LRBA: variants seen among roughly 807,000 people sequenced by gnomAD.
The protein encoded by LRBA is lipopolysaccharide-responsive and beige-like anchor protein.
A neutral mutation model predicts 330.0 loss-of-function variants in LRBA; 176 were observed. The ratio of observed to expected loss-of-function variants is 0.53; its 90% CI spans 0.47 to 0.60. The LOEUF is 0.60. Among genes scored for constraint, LRBA ranks in the 20% least tolerant of loss-of-function variants. LRBA has a pLI of 0.00. For synonymous variants in LRBA, 1,230 were observed against 1,193.0 expected, an observed-to-expected ratio of 1.03 and a Z score of -0.64; for missense variants, 3,259 against 3,444.8, an observed-to-expected ratio of 0.95 and a Z score of 1.35.
At chr4:150,420,390 T>C (rs1016516523) in intron 46 of LRBA, among the ~76,000 whole-genome samples, 7 of 38,098 alleles carry the variant, frequency 1.8e-4, no homozygotes, top group African/African-American at 7.5e-4. Context: ...CATTATAGTA[T>C]ATATAAAGTA....
chr4:150,382,518 G>A (rs1334166654), intron 47 of LRBA, among the ~76,000 whole-genome samples: 2 of 151,988 alleles, frequency 1.3e-5, no homozygotes, highest in Non-Finnish European at 2.9e-5. Context: ...AGCTACTCAG[G>A]AGGCCGAGGC....
chr4:150,827,537 TATG>T (rs1466346585), intron 30 of LRBA, among the ~76,000 whole-genome samples: 5 of 152,234 alleles, frequency 3.3e-5, no homozygotes, highest in African/African-American at 1.2e-4. Context: ...TGAAGATCTT[TATG>T]ATGATTCGCT....
chr4:150,452,912 T>C (rs1457222984), intron 44 of LRBA, among the ~76,000 whole-genome samples: 2 of 152,164 alleles, frequency 1.3e-5, no homozygotes, highest in Non-Finnish European at 2.9e-5. Context: ...TGTATTTCTA[T>C]ATACTGGCAA....
rs1243180982 is a variant in LRBA at position 150,396,047 on chromosome 4, G to A, written c.7194+19391C>T. Among the ~76,000 whole-genome samples, 3 of 152,154 alleles carry A rather than the reference G, an allele frequency of 2.0e-5. No individual in the cohort carries two copies. The East Asian group carries it at 5.8e-4, about 29-fold the overall frequency. On this transcript the variant is annotated intron_variant, in intron 47 of 56. Coordinates refer to ENST00000651943, the MANE Select transcript of LRBA (RefSeq NM_001364905.1). ...ATAGCTGGTAAGACATTATTTCTGA[G>A]AATGTCTGTGAGGGTGTTTCCAGAA...
At chr4:150,717,675 G>GTAATAATAATAATAATAATAATAA (rs10522737) in intron 36 of LRBA, among the ~76,000 whole-genome samples, 3,828 of 139,714 alleles carry the variant, frequency 0.027, 79 homozygotes, top group Non-Finnish European at 0.032. Context: ...AACAATAATA[G>GTAATAATAATAATAATAATAATAA]TAATAATAAT....
intron 40 of LRBA, among the ~76,000 whole-genome samples, chr4:150,526,998 T>G (rs1472564918): frequency 6.6e-6 from 1 of 151,068 alleles, no homozygotes; most frequent in African/African-American, 2.4e-5. Flanking sequence ...ATCTCTCTCT[T>G]CTTCTTTTCT....
chr4:150,523,021 C>T (rs1048782585), intron 40 of LRBA, among the ~76,000 whole-genome samples: 3 of 152,176 alleles, frequency 2.0e-5, no homozygotes, highest in South Asian at 2.1e-4. Context: ...TTTGATTTCA[C>T]AGGTTCACAA....
intron 30 of LRBA, among the ~76,000 whole-genome samples, 159 bp downstream of exon 30, chr4:150,828,021 A>G (rs562429588): frequency 6.6e-6 from 1 of 152,332 alleles, no homozygotes; most frequent in East Asian, 1.9e-4. Context: ...TGTTATCAGT[A>G]AAGTTTCTGA....
intron 11 of LRBA, 43 bp from the exon 12 acceptor site, chr4:150,906,448 A>AT (rs774224827): frequency 5.2e-5 from 58 of 1,112,560 alleles, no homozygotes; most frequent in South Asian, 7.8e-5. Flanking sequence ...AACATATTCT[A>AT]TTTTTTTTAA....
intron 34 of LRBA, among the ~76,000 whole-genome samples, chr4:150,782,942 C>A (rs1378695679): frequency 6.6e-6 from 1 of 151,962 alleles, no homozygotes; most frequent in Admixed American, 6.6e-5. Flanking sequence ...TTAAACAAAT[C>A]AAGTCACCTT....
In LRBA at chr4:150,590,704, C is replaced by T; in HGVS notation, c.6193+9G>A. 1 of 1,612,356 alleles carries T rather than the reference C, an allele frequency of 6.2e-7. No homozygotes were observed. Among genetic ancestry groups the T allele is most frequent in the Non-Finnish European group, 8.5e-7 (1 of 1,179,290 alleles). ...GTAGCTGAAATATCTGCACAACCACCAAATTTACCGGCAAGATTCTCTAAA... is the reference window on the plus strand; with the variant it reads ...GTAGCTGAAATATCTGCACAACCACTAAATTTACCGGCAAGATTCTCTAAA... On this transcript the variant is annotated intron_variant, in intron 39 of 56. Transcript: ENST00000651943.
chr4:150,777,248 T>C (rs1737508423), intron 34 of LRBA, among the ~76,000 whole-genome samples: 1 of 152,132 alleles, frequency 6.6e-6, no homozygotes, highest in Non-Finnish European at 1.5e-5. Context: ...TATGAGCCAC[T>C]GCACCGGATC....
intron 37 of LRBA, among the ~76,000 whole-genome samples, chr4:150,649,462 T>A (rs949344291): frequency 1.3e-5 from 2 of 152,188 alleles, no homozygotes; most frequent in African/African-American, 4.8e-5. Flanking sequence ...CAACCTGAAG[T>A]AACGCTTTTG....
intron 40 of LRBA, among the ~76,000 whole-genome samples, chr4:150,574,662 T>C (rs2152288586): frequency 6.6e-6 from 1 of 152,172 alleles, no homozygotes; most frequent in East Asian, 1.9e-4. Context: ...AATACATATC[T>C]ATAGATTTGT....
chr4:150,489,554 C>CATAATATATATTATATATAAGAATAT (rs1561251857), intron 41 of LRBA, among the ~76,000 whole-genome samples: 6 of 85,026 alleles, frequency 7.1e-5, no homozygotes, highest in African/African-American at 2.9e-4. Context: ...TATAAGAATA[C>CATAATATATATTATATATAAGAATAT]ATAATATATA....
chr4:150,278,134 T>C, intron 55 of LRBA, 130 bp from the exon 56 acceptor site: 1 of 727,166 alleles, frequency 1.4e-6, no homozygotes, highest in Non-Finnish European at 2.2e-6. Flanking sequence ...CAGGAGTTTT[T>C]AGAAAATCGT....
chr4:150,380,540 G>A (rs1241129591), intron 47 of LRBA, among the ~76,000 whole-genome samples: 2 of 150,626 alleles, frequency 1.3e-5, no homozygotes, highest in African/African-American at 2.4e-5. Context: ...AACAAACACT[G>A]GAACACTAAA....
At chr4:150,661,022 C>T (rs534778751) in intron 37 of LRBA, among the ~76,000 whole-genome samples, 1 of 122,134 alleles carries the variant, frequency 8.2e-6, no homozygotes, top group African/African-American at 3.2e-5. Flanking sequence ...GTCCCATGAC[C>T]CTGCCAAATC....
At chr4:150,613,048 G>A (rs367813091) in intron 37 of LRBA, among the ~76,000 whole-genome samples, 49 of 152,020 alleles carry the variant, frequency 3.2e-4, no homozygotes, top group African/African-American at 1.1e-3. Flanking sequence ...TCATTTAGCC[G>A]GTCCAATAGA....
Sources: gnomAD v4.1 joint callset for allele counts (sites outside exome capture counted in the v4.1 genomes callset) on GRCh38, gnomAD v4.1.1 for gene constraint, MANE v1.5 for transcripts, NCBI Gene and HGNC (gene_info 2026-07-23, HGNC 2026-07-21) for gene names.